ADAM12: variants seen among roughly 807,000 people sequenced by gnomAD.
The protein encoded by ADAM12 is disintegrin and metalloproteinase domain-containing protein 12.
In ADAM12, 70 loss-of-function variants were observed where a neutral mutation model predicts 106.4. The ratio of observed to expected loss-of-function variants is 0.66; its 90% CI spans 0.54 to 0.80. The LOEUF (loss-of-function observed/expected upper bound fraction) is 0.80, where lower values mean the gene tolerates loss of function less well. Among genes scored for constraint, ADAM12 ranks in the 30% least tolerant of loss-of-function variants. ADAM12 has a pLI of 0.00. For missense variants in ADAM12, 1,010 were observed against 1,171.9 expected, an observed-to-expected ratio of 0.86 and a Z score of 2.02; for synonymous variants, 420 against 433.5, an observed-to-expected ratio of 0.97 and a Z score of 0.39.
At chr10:126,121,479 TATA>T (rs1301419601) in intron 5 of ADAM12, among the ~76,000 whole-genome samples, 4 of 107,076 alleles carry the variant, frequency 3.7e-5, no homozygotes, top group Admixed American at 1.1e-4. Context: ...TCAGAAATTA[TATA>T]ATATGTAACA....
intron 2 of ADAM12, among the ~76,000 whole-genome samples, chr10:126,295,532 T>TACACACACACACAC (rs1047274012): frequency 4.7e-5 from 7 of 147,560 alleles, no homozygotes; most frequent in East Asian, 2.0e-4. Context: ...ACCACAAAAA[T>TACACACACACACAC]ACACACACAC....
At chr10:126,260,594 A>G (rs1958982328) in intron 3 of ADAM12, among the ~76,000 whole-genome samples, 1 of 152,216 alleles carries the variant, frequency 6.6e-6, no homozygotes, top group African/African-American at 2.4e-5. Context: ...ACTTTCCTTA[A>G]GGCCAGTTAA....
intron 4 of ADAM12, among the ~76,000 whole-genome samples, chr10:126,138,817 C>CTTTTT (rs71486579): frequency 0.22 from 28,552 of 127,398 alleles, 2,920 homozygotes; most frequent in South Asian, 0.28. Context: ...CTACACATAT[C>CTTTTT]TTTTTCTTTT....
At chr10:126,166,488 T>A (rs969034237) in intron 3 of ADAM12, among the ~76,000 whole-genome samples, 10 of 144,978 alleles carry the variant, frequency 6.9e-5, no homozygotes, top group Middle Eastern at 3.3e-3. Context: ...TTCAGGCAGG[T>A]TTCTTTTTTT....
At chr10:126,021,171 C>T (rs1203901152) in intron 21 of ADAM12, among the ~76,000 whole-genome samples, 1 of 151,988 alleles carries the variant, frequency 6.6e-6, no homozygotes, top group Non-Finnish European at 1.5e-5. Context: ...CTTTGAAGCC[C>T]GGAAACACTC....
intron 3 of ADAM12, among the ~76,000 whole-genome samples, chr10:126,261,627 C>T (rs1959003001): frequency 6.6e-6 from 1 of 152,122 alleles, no homozygotes; most frequent in African/African-American, 2.4e-5. Flanking sequence ...AACCCCAATA[C>T]ACTATCTGGA....
intron 2 of ADAM12, among the ~76,000 whole-genome samples, chr10:126,280,492 T>G (rs1959521330): frequency 6.6e-6 from 1 of 152,220 alleles, no homozygotes; most frequent in African/African-American, 2.4e-5. Flanking sequence ...TGGCTACCAC[T>G]GTGGGACAGC....
rs142537454 is a variant in ADAM12, at chr10:126,282,240, G to C, written c.187-3252C>G. Reference sequence around the variant, plus strand: ...TAAGGACACCAGCCATATAAGATTAGGGGCCACACATATGACCTCATTTCA... The same window carrying C: ...TAAGGACACCAGCCATATAAGATTACGGGCCACACATATGACCTCATTTCA... On this transcript the variant is annotated intron_variant, in intron 2 of 22. Transcript: ENST00000448723. Among the ~76,000 whole-genome samples the C allele has an allele frequency of 2.0e-5, 3 of 152,204 alleles. No individual in the cohort carries two copies. In the East Asian group the frequency reaches 5.8e-4, roughly 29 times the overall value.
intron 1 of ADAM12, among the ~76,000 whole-genome samples, 164 bp downstream of exon 1, chr10:126,387,894 G>A (rs1436711079): frequency 6.8e-6 from 1 of 147,378 alleles, no homozygotes; most frequent in Admixed American, 6.7e-5. Context: ...GCACCTGGGG[G>A]GGGGGGGTCG....
At chr10:126,197,241 A>G (rs1474426205) in intron 3 of ADAM12, among the ~76,000 whole-genome samples, 1 of 152,234 alleles carries the variant, frequency 6.6e-6, no homozygotes, top group Non-Finnish European at 1.5e-5. Flanking sequence ...GGGCCCCTAC[A>G]GGGAGTGACA....
chr10:126,205,955 C>A (rs766738152), intron 3 of ADAM12, among the ~76,000 whole-genome samples: 1 of 152,136 alleles, frequency 6.6e-6, no homozygotes, highest in South Asian at 2.1e-4. Flanking sequence ...TACATACACT[C>A]AACCACATAA....
intron 8 of ADAM12, among the ~76,000 whole-genome samples, chr10:126,108,353 C>G (rs189078337): frequency 6.6e-6 from 1 of 152,056 alleles, no homozygotes; most frequent in Non-Finnish European, 1.5e-5. Context: ...TCCACCTGAC[C>G]GGAAGAGAGC....
intron 1 of ADAM12, among the ~76,000 whole-genome samples, chr10:126,333,263 T>C (rs1398846495): frequency 6.6e-6 from 1 of 152,206 alleles, no homozygotes; most frequent in Non-Finnish European, 1.5e-5. Flanking sequence ...TTGCCAAGGA[T>C]GTGTTAAACT....
intron 1 of ADAM12, among the ~76,000 whole-genome samples, chr10:126,337,527 C>T (rs1480917481): frequency 6.6e-6 from 1 of 152,198 alleles, no homozygotes; most frequent in Non-Finnish European, 1.5e-5. Context: ...CCACCTTCCT[C>T]CACCTGCTTT....
At chr10:126,282,134 C>T (rs1006671703) in intron 2 of ADAM12, among the ~76,000 whole-genome samples, 2 of 152,178 alleles carry the variant, frequency 1.3e-5, no homozygotes, top group Non-Finnish European at 2.9e-5. Flanking sequence ...TCTGAGGCCG[C>T]TTTCCTTGGC....
In ADAM12 at chr10:126,064,960, G is replaced by A. The variant is rs756196109; in HGVS notation, c.1455C>T (p.Ser485=). 1.2e-6 allele frequency: 2 copies of A among 1,612,898 alleles called. No homozygotes were observed. The highest frequency in any genetic ancestry group is 1.7e-6 in the Non-Finnish European group (2 of 1,179,636). ...AGTACRDSSN[S]CDLPEFCTGA... ...CTGTGCAGAACTCTGGGAGGTCACA[G>A]GAGTTGCTGGAGTCCCTGCACGCTG... Residue 485 remains serine (S), a synonymous_variant, in exon 14 of 23, where the codon TCC becomes TCT. Coordinates refer to ENST00000448723, the MANE Select transcript of ADAM12 (RefSeq NM_001288973.2). The surrounding 1 kb of genome is among the most constrained non-coding windows in gnomAD (Gnocchi z 4.4).
At position 126,017,341 on chromosome 10, in the gene ADAM12, T is replaced by C; in HGVS notation, c.2661-2A>G. The C allele has an allele frequency of 1.9e-6, 3 of 1,578,772 alleles. No individual in the cohort carries two copies. Among genetic ancestry groups the C allele is most frequent in the Non-Finnish European group, 2.6e-6 (3 of 1,161,002 alleles). On this transcript the variant is annotated splice_acceptor_variant, in intron 22 of 22. Coordinates refer to ENST00000448723, the MANE Select transcript of ADAM12 (RefSeq NM_001288973.2). LOFTEE classifies it high-confidence loss of function. ...TGGTGTGGATATTGTGGAGCAGGTC[T>C]GAATGAAGAGAGGAGAAAAAAAAAT...
At chr10:126,121,631 G>A (rs1358373289) in intron 5 of ADAM12, among the ~76,000 whole-genome samples, 1 of 150,448 alleles carries the variant, frequency 6.6e-6, no homozygotes, top group Non-Finnish European at 1.5e-5. Context: ...AGGAATAGCT[G>A]GTCAAGTTGC....
chr10:126,225,269 AAAGC>A (rs1416805596), intron 3 of ADAM12, among the ~76,000 whole-genome samples: 10 of 152,232 alleles, frequency 6.6e-5, no homozygotes, highest in Non-Finnish European at 4.4e-5. Context: ...CTCAAGATTC[AAAGC>A]AAGGAGGTAA....
Sources: allele counts gnomAD v4.1 joint callset (sites outside exome capture counted in the v4.1 genomes callset), GRCh38; gene constraint gnomAD v4.1.1; non-coding constraint Gnocchi (gnomAD v3.1); transcripts MANE v1.5; gene names NCBI Gene and HGNC (gene_info 2026-07-23, HGNC 2026-07-21).